Variants in GLRA1 observed in about 807,000 individuals in gnomAD.
GLRA1 encodes glycine receptor alpha 1, also known as glycine receptor subunit alpha-1.
Under a neutral mutation model 48.3 loss-of-function variants are expected in GLRA1, and 37 were observed. The observed-to-expected ratio is 0.77, with a 90% confidence interval of 0.59 to 1.01. The LOEUF (loss-of-function observed/expected upper bound fraction) is 1.01, where lower values mean the gene tolerates loss of function less well. Among genes scored for constraint, GLRA1 ranks in the 50% least tolerant of loss-of-function variants. The pLI is 0.00. For synonymous variants in GLRA1, 196 were observed against 210.7 expected, an observed-to-expected ratio of 0.93 and a Z score of 0.60; for missense variants, 427 against 571.0, an observed-to-expected ratio of 0.75 and a Z score of 2.57.
intron 1 of GLRA1, among the ~76,000 whole-genome samples, chr5:151,907,650 G>A (rs979101815): frequency 1.3e-5 from 2 of 152,200 alleles, no homozygotes; most frequent in South Asian, 4.1e-4. Context: ...TCAATCAATC[G>A]GAGGCACTGT....
At chr5:151,903,556 G>A (rs1754411732) in intron 1 of GLRA1, among the ~76,000 whole-genome samples, 2 of 152,332 alleles carry the variant, frequency 1.3e-5, no homozygotes, top group South Asian at 4.1e-4. Flanking sequence ...TCTTGGGCAA[G>A]AAGTGAGTAG....
chr5:151,880,608 TCTCA>T (rs1056975815), intron 3 of GLRA1, among the ~76,000 whole-genome samples: 1 of 139,198 alleles, frequency 7.2e-6, no homozygotes, highest in African/African-American at 2.7e-5. Flanking sequence ...TCTCTCTCTC[TCTCA>T]CTCTGTCTCT....
chr5:151,837,902 A>G (rs1763616859), intron 7 of GLRA1, among the ~76,000 whole-genome samples: 1 of 152,184 alleles, frequency 6.6e-6, no homozygotes, highest in African/African-American at 2.4e-5. Flanking sequence ...TGACGTGTGT[A>G]TACCTATGTA....
intron 8 of GLRA1, among the ~76,000 whole-genome samples, chr5:151,826,583 T>A (rs1380977174): frequency 6.6e-6 from 1 of 152,162 alleles, no homozygotes; most frequent in Non-Finnish European, 1.5e-5. Flanking sequence ...TCTCATCAGT[T>A]GCATGGAAGG....
At chr5:151,856,955 G>A (rs1025144135) in intron 4 of GLRA1, among the ~76,000 whole-genome samples, 1 of 152,232 alleles carries the variant, frequency 6.6e-6, no homozygotes, top group Non-Finnish European at 1.5e-5. Context: ...AAGCATGGTG[G>A]GAAGCAGAGT....
At chr5:151,881,393 C>T (rs570931191) in intron 3 of GLRA1, among the ~76,000 whole-genome samples, 3 of 150,648 alleles carry the variant, frequency 2.0e-5, no homozygotes, top group Non-Finnish European at 4.4e-5. Flanking sequence ...GATCACAGCT[C>T]ACTGCAGCCT....
At chr5:151,896,872 GAA>G (rs1045927778) in intron 1 of GLRA1, among the ~76,000 whole-genome samples, 2 of 152,212 alleles carry the variant, frequency 1.3e-5, no homozygotes, top group Non-Finnish European at 2.9e-5. Context: ...GACAAAAAGA[GAA>G]GAGTTTACAA....
chr5:151,833,606 G>A (rs1449923864), intron 7 of GLRA1, among the ~76,000 whole-genome samples: 1 of 152,074 alleles, frequency 6.6e-6, no homozygotes, highest in Non-Finnish European at 1.5e-5. Context: ...TGGGATTACA[G>A]GCATGCGCCA....
intron 1 of GLRA1, among the ~76,000 whole-genome samples, chr5:151,893,308 CT>C (rs1754140509): frequency 2.1e-5 from 3 of 140,768 alleles, no homozygotes; most frequent in Non-Finnish European, 4.6e-5. Context: ...TTCTTTCTTT[CT>C]TTCTTTCTTT....
chr5:151,840,102 T>G (rs1004684842), intron 7 of GLRA1, among the ~76,000 whole-genome samples: 4 of 151,056 alleles, frequency 2.6e-5, no homozygotes, highest in Non-Finnish European at 3.0e-5. Context: ...AAATACTGTT[T>G]TTTTTTTTTT....
Position 151,924,742 on chromosome 5 carries a change from G to C in GLRA1, c.-193C>G, listed in dbSNP as rs559440499. ...GTCGTAGATACCACGGACAGCGGCG[G>C]CTGCGAGGCGTTTCAGCACCACGGA... On this transcript the variant is annotated 5_prime_UTR_variant, in exon 1 of 9. Transcript: ENST00000274576. 4.9e-5 allele frequency: 32 copies of C among 654,700 alleles called. 1 individual carries two copies. In the South Asian group the frequency reaches 5.1e-4, roughly 11 times the overall value. 40.6% of individuals were successfully genotyped at this position (654,700 alleles called of 1,614,324 possible).
chr5:151,855,532 C>T (rs910911399), intron 5 of GLRA1, among the ~76,000 whole-genome samples: 12 of 152,134 alleles, frequency 7.9e-5, no homozygotes, highest in Admixed American at 4.6e-4. Context: ...CTCTATTGCA[C>T]GCTCTCTTGG....
At chr5:151,849,501 C>CCTTCCTTCCTTTCTTTCT in intron 7 of GLRA1, among the ~76,000 whole-genome samples, 1 of 37,726 alleles carries the variant, frequency 2.7e-5, no homozygotes, top group South Asian at 7.9e-4. Flanking sequence ...CCTTTCTTTT[C>CCTTCCTTCCTTTCTTTCT]TTTCTTTCTT....
chr5:151,847,916 A>G (rs1191150798), intron 7 of GLRA1, among the ~76,000 whole-genome samples: 1 of 152,230 alleles, frequency 6.6e-6, no homozygotes, highest in Non-Finnish European at 1.5e-5. Flanking sequence ...CATAAGGGTG[A>G]ATGGAGCAGA....
chr5:151,903,563 G>A (rs755784532), intron 1 of GLRA1, among the ~76,000 whole-genome samples: 12 of 152,130 alleles, frequency 7.9e-5, no homozygotes, highest in Non-Finnish European at 1.8e-4. Flanking sequence ...CAAGAAGTGA[G>A]TAGTAGAGTC....
intron 3 of GLRA1, among the ~76,000 whole-genome samples, chr5:151,883,777 A>C (rs1278167188): frequency 6.6e-6 from 1 of 152,250 alleles, no homozygotes; most frequent in Non-Finnish European, 1.5e-5. Context: ...ACAGATGAGA[A>C]AGCCAACTTA....
intron 7 of GLRA1, among the ~76,000 whole-genome samples, chr5:151,836,644 A>T (rs1763584025): frequency 6.6e-6 from 1 of 152,232 alleles, no homozygotes; most frequent in Non-Finnish European, 1.5e-5. Flanking sequence ...GGCCTCAGAA[A>T]TAACGCCACA....
intron 7 of GLRA1, among the ~76,000 whole-genome samples, chr5:151,846,347 G>A (rs1752672008): frequency 1.3e-5 from 2 of 152,072 alleles, no homozygotes; most frequent in East Asian, 1.9e-4. Flanking sequence ...AGAAGAATGT[G>A]GCATCAACTA....
intron 3 of GLRA1, among the ~76,000 whole-genome samples, chr5:151,864,922 T>C (rs1753292748): frequency 6.6e-6 from 1 of 152,100 alleles, no homozygotes; most frequent in African/African-American, 2.4e-5. Context: ...TTTTCTTATT[T>C]TATATCTGGA....
Sources: gnomAD v4.1 joint callset for allele counts (sites outside exome capture counted in the v4.1 genomes callset) on GRCh38, gnomAD v4.1.1 for gene constraint, MANE v1.5 for transcripts, NCBI Gene and HGNC (gene_info 2026-07-23, HGNC 2026-07-21) for gene names.